Variants in ZFAT observed in about 807,000 individuals in gnomAD.
The protein encoded by ZFAT is zinc finger protein ZFAT.
ZFAT carries 64 observed loss-of-function variants against 117.7 expected under a neutral mutation model. That is an observed-to-expected ratio of 0.54 (90% CI 0.44 to 0.67). ZFAT has a LOEUF of 0.67. Among genes scored for constraint, ZFAT ranks in the 30% least tolerant of loss-of-function variants. The probability of loss-of-function intolerance (pLI) is 0.00; values close to 1 mark genes in which losing one functional copy is unlikely to be tolerated. For synonymous variants in ZFAT, 679 were observed against 615.0 expected (o/e 1.10, Z -1.54); for missense variants, 1,433 against 1,584.5 (o/e 0.90, Z 1.62).
At chr8:134,552,022 A>G (rs541666483) in intron 11 of ZFAT, among the ~76,000 whole-genome samples, 15 of 152,366 alleles carry the variant, frequency 9.8e-5, no homozygotes, top group African/African-American at 2.6e-4. Context: ...CAATTAAAAC[A>G]TAATTTTTAA....
the ZFAT span, among the ~76,000 whole-genome samples, chr8:134,757,042 G>C: frequency 1.0e-5 from 1 of 99,668 alleles, no homozygotes; most frequent in Admixed American, 1.5e-4. Context: ...TTGAGACAAA[G>C]TCTCACTCCT....
chr8:134,633,850 G>A (rs1174867745), intron 3 of ZFAT, among the ~76,000 whole-genome samples: 1 of 152,186 alleles, frequency 6.6e-6, no homozygotes, highest in South Asian at 2.1e-4. Context: ...TTCAAGACCA[G>A]CCTGGTCAAC....
the ZFAT span, among the ~76,000 whole-genome samples, chr8:134,820,958 C>A: frequency 1.3e-5 from 2 of 152,100 alleles, no homozygotes; most frequent in African/African-American, 4.8e-5. Flanking sequence ...ACACTAAATG[C>A]ATATTAAGTG....
At chr8:134,810,024 A>G in the ZFAT span, among the ~76,000 whole-genome samples, 36 of 152,316 alleles carry the variant, frequency 2.4e-4, no homozygotes, top group African/African-American at 8.2e-4. Flanking sequence ...CAGCACTCAG[A>G]TAACTGAAAG....
At position 134,602,320 on chromosome 8, in the gene ZFAT, ACTT is replaced by A; in HGVS notation, c.1396_1398del (p.Lys466del). 1 of 1,613,908 alleles carries A rather than the reference ACTT, an allele frequency of 6.2e-7. No individual in the cohort carries two copies. The highest frequency in any genetic ancestry group is 8.5e-7 in the Non-Finnish European group (1 of 1,180,050). On this transcript the variant is annotated inframe_deletion, in exon 6 of 16. Coordinates refer to ENST00000377838, the MANE Select transcript of ZFAT (RefSeq NM_020863.4). Reference sequence around the variant, plus strand: ...GTGCGCAGCCTGATGGAGCTGACGAACTTCTTGCGGCAGACGGCACAGACGTAC... The same window carrying A: ...GTGCGCAGCCTGATGGAGCTGACGAACTTGCGGCAGACGGCACAGACGTAC...
chr8:134,782,795 A>AAT, the ZFAT span, among the ~76,000 whole-genome samples: 1 of 129,644 alleles, frequency 7.7e-6, no homozygotes, highest in Non-Finnish European at 1.5e-5. Context: ...TTTTCTTTAT[A>AAT]AATTACCCAG....
At chr8:134,727,686 G>A in the ZFAT span, among the ~76,000 whole-genome samples, 2 of 152,082 alleles carry the variant, frequency 1.3e-5, no homozygotes, top group African/African-American at 2.4e-5. Flanking sequence ...TGTTAGGGGC[G>A]GGGAATCTTT....
the ZFAT span, among the ~76,000 whole-genome samples, chr8:134,770,023 A>G: frequency 6.6e-6 from 1 of 152,114 alleles, no homozygotes; most frequent in Admixed American, 6.5e-5. Context: ...CCACGAAACC[A>G]CTTTTTCTTC....
At chr8:134,705,695 A>ATT (rs35425925) in intron 1 of ZFAT, among the ~76,000 whole-genome samples, 12 of 145,498 alleles carry the variant, frequency 8.2e-5, no homozygotes, top group Non-Finnish European at 1.2e-4. Context: ...AGCCTGGCTA[A>ATT]TTTTTTTTTT....
intron 13 of ZFAT, among the ~76,000 whole-genome samples, chr8:134,515,019 T>C (rs1820153134): frequency 6.6e-6 from 1 of 152,224 alleles, no homozygotes; most frequent in African/African-American, 2.4e-5. Context: ...CCATGTGTTC[T>C]CATTGTTCAA....
At chr8:134,523,318 T>C (rs866719181) in intron 12 of ZFAT, among the ~76,000 whole-genome samples, 2 of 152,300 alleles carry the variant, frequency 1.3e-5, no homozygotes, top group Middle Eastern at 6.8e-3. Flanking sequence ...CCAGGACATA[T>C]ATTATCCACA....
chr8:134,750,442 G>A, the ZFAT span, among the ~76,000 whole-genome samples: 1 of 152,042 alleles, frequency 6.6e-6, no homozygotes, highest in African/African-American at 2.4e-5. Flanking sequence ...TTATATTTAT[G>A]TGTCTTCCTT....
chr8:134,631,087 G>A (rs1401820325), intron 3 of ZFAT, among the ~76,000 whole-genome samples: 3 of 152,172 alleles, frequency 2.0e-5, no homozygotes, highest in Non-Finnish European at 2.9e-5. Context: ...CACCCAGAGC[G>A]TCTATCTTTC....
At chr8:134,688,215 T>C (rs532746779) in intron 1 of ZFAT, among the ~76,000 whole-genome samples, 2 of 152,308 alleles carry the variant, frequency 1.3e-5, no homozygotes, top group South Asian at 4.1e-4. Context: ...TCCAGAAACG[T>C]TCAGCCAGAC....
At chr8:134,511,398 C>A (rs1396064237) in intron 14 of ZFAT, among the ~76,000 whole-genome samples, 1 of 152,138 alleles carries the variant, frequency 6.6e-6, no homozygotes, top group Non-Finnish European at 1.5e-5. Flanking sequence ...AACAGCTGGG[C>A]CTCGACTCTC....
chr8:134,751,390 C>G, the ZFAT span, among the ~76,000 whole-genome samples: 2 of 152,116 alleles, frequency 1.3e-5, no homozygotes, highest in Non-Finnish European at 1.5e-5. Context: ...AGTGCTGGAT[C>G]AGGACACCAG....
the ZFAT span, among the ~76,000 whole-genome samples, chr8:134,748,488 T>C: frequency 6.6e-6 from 1 of 152,250 alleles, no homozygotes; most frequent in South Asian, 2.1e-4. Context: ...GGTATGAATA[T>C]ACCATATCAT....
chr8:134,543,156 G>A (rs1399478838), intron 11 of ZFAT, among the ~76,000 whole-genome samples: 4 of 149,528 alleles, frequency 2.7e-5, no homozygotes, highest in Admixed American at 2.0e-4. Context: ...CAAATCCCCA[G>A]ATGACCTGCC....
At position 134,602,145 on chromosome 8, in the gene ZFAT, A is replaced by T. The variant is rs1827532658; in HGVS notation, c.1574T>A (p.Leu525His). The T allele has an allele frequency of 6.2e-7, 1 of 1,613,168 alleles. No homozygotes were observed. The highest frequency in any genetic ancestry group is 1.7e-5 in the Admixed American group (1 of 59,974). The change falls in exon 6 of 16, where the codon CTC (leucine) becomes CAC (histidine). Residue 525 changes from leucine (L) to histidine (H), a missense_variant. Around this residue, in one of 5 missense-constraint regions of ZFAT, gnomAD observed 372 missense variants for 355.6 expected, o/e 1.05. Transcript: ENST00000377838. ...TTCCTTGAGTGCATTCACGCCCTGG[A>T]GGGCAAACTCCTCTTCCACCAGCTG... ...QLQLVEEEFA[L>H]QGVNALKEEA...
Sources: allele counts gnomAD v4.1 joint callset (sites outside exome capture counted in the v4.1 genomes callset), GRCh38; gene constraint gnomAD v4.1.1; regional missense constraint gnomAD v4.1.1; transcripts MANE v1.5; gene names NCBI Gene and HGNC (gene_info 2026-07-23, HGNC 2026-07-21).